Variants in HCN1 observed in about 807,000 individuals in gnomAD.
HCN1 encodes the protein potassium/sodium hyperpolarization-activated cyclic nucleotide-gated channel 1.
Under a neutral mutation model 78.9 loss-of-function variants are expected in HCN1, and 13 were observed. That is an observed-to-expected ratio of 0.16 (90% CI 0.11 to 0.26). The LOEUF (loss-of-function observed/expected upper bound fraction) is 0.26. HCN1 is among the 10% of genes least tolerant of loss of function. The pLI is 1.00. For synonymous variants in HCN1, 552 were observed against 455.5 expected (o/e 1.21, Z -2.70); for missense variants, 810 against 1,154.3 (o/e 0.70, Z 4.32).
At chr5:45,506,524 A>T (rs1056910222) in intron 2 of HCN1, among the ~76,000 whole-genome samples, 2 of 152,146 alleles carry the variant, frequency 1.3e-5, no homozygotes, top group African/African-American at 4.8e-5. Context: ...TAAAAAATTT[A>T]AAAATGCAAA....
chr5:45,695,870 TCGCCGCCGCCGCCGC>T lies in HCN1; in HGVS notation c.209_223del (p.Gly70_Gly74del), dbSNP rs747975797. On this transcript the variant is annotated inframe_deletion, in exon 1 of 8. Transcript: ENST00000303230. ...GTCTTCGAAGCCCCCCGCCGGCTCC[TCGCCGCCGCCGCCGC>T]CGCCGCCACCGCCGCCACCGCCGTC... The T allele has an allele frequency of 6.4e-7, 1 of 1,563,450 alleles. No individual in the cohort carries two copies. Among genetic ancestry groups the T allele is most frequent in the Non-Finnish European group, 8.6e-7 (1 of 1,161,668 alleles).
chr5:45,567,790 C>T (rs950485758), intron 2 of HCN1, among the ~76,000 whole-genome samples: 1 of 151,912 alleles, frequency 6.6e-6, no homozygotes, highest in Non-Finnish European at 1.5e-5. Flanking sequence ...TTTTAACTGT[C>T]CCTGGAAAGT....
chr5:45,507,598 C>T (rs993127333), intron 2 of HCN1, among the ~76,000 whole-genome samples: 2 of 152,008 alleles, frequency 1.3e-5, no homozygotes, highest in African/African-American at 4.8e-5. Context: ...AGAGAAATAA[C>T]AGTATATAAA....
At chr5:45,446,666 C>T (rs1740804467) in intron 3 of HCN1, among the ~76,000 whole-genome samples, 1 of 151,992 alleles carries the variant, frequency 6.6e-6, no homozygotes. Flanking sequence ...AAAGGGAAGC[C>T]CATCAGACTA....
intron 4 of HCN1, among the ~76,000 whole-genome samples, chr5:45,353,750 C>G (rs1474558138): frequency 6.6e-6 from 1 of 151,926 alleles, no homozygotes; most frequent in East Asian, 1.9e-4. Context: ...ATCATTCATA[C>G]TTCAACAACA....
chr5:45,590,737 T>C (rs898159811), intron 2 of HCN1, among the ~76,000 whole-genome samples: 2 of 152,212 alleles, frequency 1.3e-5, no homozygotes, highest in African/African-American at 2.4e-5. Flanking sequence ...ACAAGGTATG[T>C]AGCCTTTTCA....
At chr5:45,265,057 G>A (rs1744830205) in intron 7 of HCN1, among the ~76,000 whole-genome samples, 1 of 152,004 alleles carries the variant, frequency 6.6e-6, no homozygotes, top group African/African-American at 2.4e-5. Context: ...GGGCGTGGCA[G>A]TGCACACCTG....
intron 3 of HCN1, among the ~76,000 whole-genome samples, chr5:45,438,330 TA>T (rs2112083677): frequency 6.6e-6 from 1 of 152,024 alleles, no homozygotes; most frequent in South Asian, 2.1e-4. Context: ...GGTAGGGAAT[TA>T]AAAACACATA....
At chr5:45,496,180 C>A (rs951423589) in intron 2 of HCN1, among the ~76,000 whole-genome samples, 1 of 152,078 alleles carries the variant, frequency 6.6e-6, no homozygotes, top group Non-Finnish European at 1.5e-5. Context: ...GGAATGGTAC[C>A]AGTTCCTCCT....
intron 5 of HCN1, among the ~76,000 whole-genome samples, chr5:45,310,354 G>T (rs1408992895): frequency 6.6e-6 from 1 of 151,858 alleles, no homozygotes; most frequent in Non-Finnish European, 1.5e-5. Context: ...AGTGGGCAAA[G>T]GACATGAACA....
chr5:45,579,903 A>T (rs1426194274), intron 2 of HCN1, among the ~76,000 whole-genome samples: 1 of 152,090 alleles, frequency 6.6e-6, no homozygotes, highest in African/African-American at 2.4e-5. Flanking sequence ...GAGATGATAA[A>T]CCTCTAAATG....
chr5:45,424,609 A>T (rs1740304291), intron 3 of HCN1, among the ~76,000 whole-genome samples: 1 of 152,200 alleles, frequency 6.6e-6, no homozygotes, highest in Admixed American at 6.5e-5. Flanking sequence ...ATAAAATCAC[A>T]AATATTATTA....
intron 2 of HCN1, among the ~76,000 whole-genome samples, chr5:45,573,363 T>C (rs1047124993): frequency 6.6e-6 from 1 of 152,134 alleles, no homozygotes; most frequent in Non-Finnish European, 1.5e-5. Context: ...TTAGGGAAAC[T>C]GCATTTTCTG....
intron 1 of HCN1, among the ~76,000 whole-genome samples, chr5:45,657,199 T>C (rs1308951609): frequency 6.6e-6 from 1 of 152,214 alleles, no homozygotes; most frequent in African/African-American, 2.4e-5. Context: ...TACAGCATAC[T>C]TTAAGCAGAA....
chr5:45,472,128 T>G (rs1374207208), intron 2 of HCN1, among the ~76,000 whole-genome samples: 1 of 151,870 alleles, frequency 6.6e-6, no homozygotes, highest in East Asian at 1.9e-4. Context: ...ATTCCAAGCT[T>G]AAGGCAAACA....
intron 3 of HCN1, among the ~76,000 whole-genome samples, chr5:45,452,904 G>A (rs898081582): frequency 6.6e-6 from 1 of 151,974 alleles, no homozygotes; most frequent in Non-Finnish European, 1.5e-5. Flanking sequence ...GTTTCAAAAA[G>A]TGTCCCTCCT....
chr5:45,690,116 T>C (rs371670784), intron 1 of HCN1, among the ~76,000 whole-genome samples: 3 of 152,110 alleles, frequency 2.0e-5, no homozygotes, highest in African/African-American at 7.2e-5. Context: ...AATAACTGTA[T>C]ACAACAAAGC....
intron 4 of HCN1, among the ~76,000 whole-genome samples, chr5:45,375,121 T>A (rs1304441838): frequency 4.9e-5 from 6 of 121,414 alleles, no homozygotes; most frequent in Non-Finnish European, 9.7e-5. Flanking sequence ...TATAATATAT[T>A]ATATATAATA....
chr5:45,375,848 AATATTTTATGATATATCTTATAT>A (rs1747631566), intron 4 of HCN1, among the ~76,000 whole-genome samples: 1 of 116,928 alleles, frequency 8.6e-6, no homozygotes, highest in East Asian at 2.3e-4. Flanking sequence ...TATATAATAT[AATATTTTATGATATATCTTATAT>A]ATATTTTATC....
Sources: allele counts gnomAD v4.1 joint callset (sites outside exome capture counted in the v4.1 genomes callset), GRCh38; gene constraint gnomAD v4.1.1; transcripts MANE v1.5; gene names NCBI Gene and HGNC (gene_info 2026-07-23, HGNC 2026-07-21).